The following LCOR variants were observed in gnomAD, a reference collection of about 807,000 sequenced individuals.
LCOR encodes ligand-dependent corepressor.
In LCOR, 14 loss-of-function variants were observed where a neutral mutation model predicts 64.4. The ratio of observed to expected loss-of-function variants is 0.22; its 90% CI spans 0.14 to 0.34. LCOR has a LOEUF of 0.34. LCOR is among the 10% of genes least tolerant of loss of function. The pLI, the probability that LCOR is intolerant of heterozygous loss-of-function variation, is 1.00. For missense variants in LCOR, 1,686 were observed against 1,765.3 expected, an observed-to-expected ratio of 0.96 and a Z score of 0.80; for synonymous variants, 643 against 642.5, an observed-to-expected ratio of 1.00 and a Z score of -0.01.
chr10:96,836,048 G>A (rs1845435658), intron 2 of LCOR, among the ~76,000 whole-genome samples: 1 of 152,184 alleles, frequency 6.6e-6, no homozygotes, highest in South Asian at 2.1e-4. Flanking sequence ...TTCCTAATGT[G>A]GGGAAAGTTG....
chr10:96,912,016 C>T (rs1390812293), intron 4 of LCOR, among the ~76,000 whole-genome samples: 2 of 152,006 alleles, frequency 1.3e-5, no homozygotes, highest in Non-Finnish European at 2.9e-5. Flanking sequence ...ACTGCACCCT[C>T]CACCTCCCTG....
At chr10:96,889,844 C>T (rs1485800109) in intron 2 of LCOR, among the ~76,000 whole-genome samples, 1 of 152,194 alleles carries the variant, frequency 6.6e-6, no homozygotes, top group Non-Finnish European at 1.5e-5. Flanking sequence ...ATGAATAATG[C>T]TGCTGTTCAA....
rs780112573 is a variant in LCOR, at chr10:96,983,739, T to C, written c.3279T>C (p.Asp1093=). Reference sequence around the variant, plus strand: ...AGGACGATGTTGACACCGTGGTAGATGAACAGCCAAAGTTTATGGAATGGT... The same window carrying C: ...AGGACGATGTTGACACCGTGGTAGACGAACAGCCAAAGTTTATGGAATGGT... ...LDEDDVDTVV[D]EQPKFMEWCA... Residue 1093 remains aspartate (D), a synonymous_variant, in exon 8 of 8, where the codon GAT becomes GAC. Transcript: ENST00000421806. This position sits in a 1 kb window ranked among gnomAD's most constrained non-coding sequence, Gnocchi z 4.5. The C allele has an allele frequency of 2.5e-6, 4 of 1,614,116 alleles. No individual in the cohort carries two copies. Among genetic ancestry groups the C allele is most frequent in the Admixed American group, 3.3e-5 (2 of 60,016 alleles).
intron 7 of LCOR, among the ~76,000 whole-genome samples, chr10:96,975,739 G>C (rs931229491): frequency 9.9e-5 from 15 of 152,048 alleles, no homozygotes; most frequent in Admixed American, 9.8e-4. Context: ...CTCTGGCCAG[G>C]AGTGGTGGCC....
intron 7 of LCOR, among the ~76,000 whole-genome samples, chr10:96,976,758 A>G (rs1211294933): frequency 1.3e-5 from 2 of 151,958 alleles, no homozygotes; most frequent in African/African-American, 4.8e-5. Flanking sequence ...TCTTCATAGC[A>G]CTCTGTCTTC....
In LCOR at chr10:96,981,999, G is replaced by C; in HGVS notation, c.1539G>C (p.Leu513=). The change falls in exon 8 of 8, where the codon CTG becomes CTC. Residue 513 remains leucine (L), a synonymous_variant. Transcript: ENST00000421806. ...GYFFNGDCCE[L]PTVRTLARNL... is the part of the protein sequence containing the mutation. ...TTTTCAATGGTGACTGTTGTGAGCT[G>C]CCAACTGTTCGTACACTGGCCAGAA... 1 of 1,613,968 alleles carries C rather than the reference G, an allele frequency of 6.2e-7. No individual in the cohort carries two copies. Among genetic ancestry groups the C allele is most frequent in the South Asian group, 1.1e-5 (1 of 91,080 alleles).
At chr10:96,941,264 G>A (rs1316640864) in intron 4 of LCOR, among the ~76,000 whole-genome samples, 16 of 139,210 alleles carry the variant, frequency 1.1e-4, no homozygotes, top group Middle Eastern at 8.8e-3. Flanking sequence ...CCTCCCGGAC[G>A]GGGCGGCTGG....
chr10:96,891,792 C>T (rs1312745014), intron 2 of LCOR, among the ~76,000 whole-genome samples: 3 of 151,984 alleles, frequency 2.0e-5, no homozygotes, highest in African/African-American at 7.3e-5. Context: ...GATCACCTGC[C>T]TCGGCCTCCC....
At chr10:96,906,068 C>A (rs1443647769) in intron 2 of LCOR, among the ~76,000 whole-genome samples, 1 of 152,028 alleles carries the variant, frequency 6.6e-6, no homozygotes, top group Admixed American at 6.5e-5. Context: ...TGTGAGGGGG[C>A]CTTATGTGTC....
At chr10:96,853,588 T>C (rs892800498) in intron 2 of LCOR, among the ~76,000 whole-genome samples, 1 of 152,148 alleles carries the variant, frequency 6.6e-6, no homozygotes, top group Non-Finnish European at 1.5e-5. Flanking sequence ...TCTGCTGATT[T>C]TGGCTGGACT....
In LCOR at chr10:96,972,760, T is replaced by C. The variant is rs114099913; in HGVS notation, c.333-8033T>C. On this transcript the variant is annotated intron_variant, in intron 7 of 7. Coordinates refer to ENST00000421806, the MANE Select transcript of LCOR (RefSeq NM_001346516.2). ...CTTAAGATGCAGAAAGGTAGCAAACTATGGCTTCATGCCCAGTAAGCTCCC... is the reference window on the plus strand; with the variant it reads ...CTTAAGATGCAGAAAGGTAGCAAACCATGGCTTCATGCCCAGTAAGCTCCC... 3.3e-3 allele frequency among the ~76,000 whole-genome samples: 502 copies of C among 152,354 alleles called. 4 individuals carry two copies. Among genetic ancestry groups the C allele is most frequent in the African/African-American group, 0.012 (483 of 41,582 alleles).
intron 2 of LCOR, among the ~76,000 whole-genome samples, chr10:96,856,166 GT>G (rs1170607495): frequency 6.6e-6 from 1 of 151,098 alleles, no homozygotes; most frequent in Non-Finnish European, 1.5e-5. Flanking sequence ...CGCCTCCCGG[GT>G]TCAAGCAATT....
At position 96,981,873 on chromosome 10, in the gene LCOR, T is replaced by C. The variant is rs1457307008; in HGVS notation, c.1413T>C (p.Asp471=). 1.2e-6 allele frequency: 2 copies of C among 1,614,226 alleles called. No individual in the cohort carries two copies. Among genetic ancestry groups the C allele is most frequent in the Non-Finnish European group, 1.7e-6 (2 of 1,180,040 alleles). Residue 471 remains aspartate, a synonymous_variant, in exon 8 of 8, where the codon GAT becomes GAC. Transcript: ENST00000421806. The stretch of plus-strand genomic sequence containing the variant: ...TAAATGATTATGATAACCAGTGTGA[T>C]GTTGTTTATATCAGTCAACCAATAA... The part of the protein sequence containing the change: ...LRINDYDNQC[D]VVYISQPITE...
At chr10:96,900,366 A>G (rs751894482) in intron 2 of LCOR, among the ~76,000 whole-genome samples, 9 of 152,240 alleles carry the variant, frequency 5.9e-5, no homozygotes, top group Middle Eastern at 3.4e-3. Context: ...TTTTAAAAAA[A>G]GAAACCTGAA....
intron 4 of LCOR, among the ~76,000 whole-genome samples, chr10:96,942,338 C>G (rs1412246596): frequency 6.6e-6 from 1 of 151,830 alleles, no homozygotes; most frequent in African/African-American, 2.4e-5. Context: ...AGGCACTCGG[C>G]AGGCTGAGGC....
At chr10:96,939,701 C>T (rs950858516) in intron 4 of LCOR, among the ~76,000 whole-genome samples, 1 of 152,220 alleles carries the variant, frequency 6.6e-6, no homozygotes, top group African/African-American at 2.4e-5. Flanking sequence ...GCGGGGCCCA[C>T]GCCTGTAATC....
At chr10:96,893,773 A>G (rs965419165) in intron 2 of LCOR, among the ~76,000 whole-genome samples, 1 of 151,972 alleles carries the variant, frequency 6.6e-6, no homozygotes, top group Non-Finnish European at 1.5e-5. Context: ...AAAAAAAAAA[A>G]AAAAAGAAAT....
chr10:96,935,424 T>C (rs896121155), intron 4 of LCOR, among the ~76,000 whole-genome samples: 1 of 152,124 alleles, frequency 6.6e-6, no homozygotes, highest in African/African-American at 2.4e-5. Context: ...ACTGGAATTA[T>C]AGGCTTAAGC....
At position 96,992,335 on chromosome 10, in the gene LCOR, C is replaced by T. The variant is rs909340061; in HGVS notation, c.*7201C>T. ...CTTCTATAGAAAGTATTTATTTTAA[C>T]AAGAAAATTAACTGTCAAAAGGGCT... is the stretch of plus-strand genomic sequence containing the variant. On this transcript the variant is annotated 3_prime_UTR_variant, in exon 8 of 8. Transcript: ENST00000421806. The T allele has an allele frequency of 5.3e-5, 8 of 152,176 alleles. No homozygotes were observed. The highest frequency in any genetic ancestry group is 1.3e-4 in the Admixed American group (2 of 15,274). The allele number at this position is 152,176 out of a possible 1,614,324, so 9.4% of individuals were successfully genotyped here. A position where few individuals can be genotyped will look rare whatever the true frequency, so the allele number is the denominator to read the frequency against.
Sources: allele counts gnomAD v4.1 joint callset (sites outside exome capture counted in the v4.1 genomes callset), GRCh38; gene constraint gnomAD v4.1.1; non-coding constraint Gnocchi (gnomAD v3.1); transcripts MANE v1.5; gene names NCBI Gene and HGNC (gene_info 2026-07-23, HGNC 2026-07-21).